The following HS3ST5 variants were observed in gnomAD, a reference collection of about 807,000 sequenced individuals.
HS3ST5 encodes the protein heparan sulfate glucosamine 3-O-sulfotransferase 5.
In HS3ST5, 10 loss-of-function variants were observed where a neutral mutation model predicts 25.4. The ratio of observed to expected loss-of-function variants is 0.39; its 90% CI spans 0.24 to 0.67. The LOEUF (loss-of-function observed/expected upper bound fraction) is 0.67, where lower values mean the gene tolerates loss of function less well. Among genes scored for constraint, HS3ST5 ranks in the 30% least tolerant of loss-of-function variants. The pLI is 0.44. For missense variants in HS3ST5, 324 were observed against 420.7 expected (o/e 0.77, Z 2.01); for synonymous variants, 170 against 162.4 (o/e 1.05, Z -0.36).
rs139352244 is a variant in HS3ST5 at position 114,062,759 on chromosome 6, G to A, written c.87C>T (p.Ala29=). Residue 29 remains alanine, a synonymous_variant, in exon 4 of 5, where the codon GCC becomes GCT. Transcript: ENST00000312719. ...LAVGSLLYLV[A]RVGSLDRLQP... is the part of the protein sequence containing the mutation. ...CCCACCTATCCAAGCTCCCAACTCT[G>A]GCGACTAGATACAGGAGACTCCCAA... The A allele has an allele frequency of 1.5e-5, 25 of 1,613,582 alleles. No homozygotes were observed. Among genetic ancestry groups the A allele is most frequent in the Non-Finnish European group, 2.1e-5 (25 of 1,179,634 alleles).
chr6:114,317,748 A>G (rs998514896), intron 1 of HS3ST5, among the ~76,000 whole-genome samples: 6 of 127,534 alleles, frequency 4.7e-5, no homozygotes, highest in Non-Finnish European at 9.5e-5. Context: ...TTATTCCACA[A>G]ATGGTCCTAA....
chr6:114,165,441 C>T (rs62415774), intron 3 of HS3ST5, among the ~76,000 whole-genome samples: 9,488 of 152,198 alleles, frequency 0.062, 334 homozygotes, highest in Non-Finnish European at 0.075. Flanking sequence ...TTCCCCATCG[C>T]CTGCCAGGGT....
intron 2 of HS3ST5, among the ~76,000 whole-genome samples, chr6:114,185,573 ATTGAAGGTTC>A (rs1780180674): frequency 6.6e-6 from 1 of 152,078 alleles, no homozygotes; most frequent in Non-Finnish European, 1.5e-5. Context: ...TTTTTTACAA[ATTGAAGGTTC>A]ATGGCAACCC....
intron 2 of HS3ST5, among the ~76,000 whole-genome samples, chr6:114,226,552 AACTTTTATATGAAGAG>A (rs908252780): frequency 3.6e-4 from 55 of 152,076 alleles, no homozygotes; most frequent in African/African-American, 1.2e-3. Flanking sequence ...TTATATGAGA[AACTTTTATATGAAGAG>A]ACTTTTATAT....
At chr6:114,192,571 C>T (rs1780554255) in intron 2 of HS3ST5, among the ~76,000 whole-genome samples, 1 of 152,108 alleles carries the variant, frequency 6.6e-6, no homozygotes, top group Admixed American at 6.6e-5. Flanking sequence ...CAAAACAAGG[C>T]TTTGTCTTGT....
At chr6:114,126,080 G>A (rs915134169) in intron 3 of HS3ST5, among the ~76,000 whole-genome samples, 3 of 152,066 alleles carry the variant, frequency 2.0e-5, no homozygotes, top group African/African-American at 4.8e-5. Flanking sequence ...TCTTCACCAC[G>A]ATTAATATCA....
intron 1 of HS3ST5, among the ~76,000 whole-genome samples, chr6:114,278,532 T>TA (rs1345589746): frequency 7.9e-5 from 12 of 151,380 alleles, no homozygotes; most frequent in Non-Finnish European, 1.8e-4. Flanking sequence ...AAAATACTGA[T>TA]ACTTCAGTAT....
chr6:114,250,111 C>T lies in HS3ST5; in HGVS notation c.-338-21333G>A, dbSNP rs886636129. 1.3e-4 allele frequency among the ~76,000 whole-genome samples: 20 copies of T among 152,182 alleles called. No homozygotes were observed. The East Asian group carries it at 2.3e-3, about 18-fold the overall frequency. ...CAGTCTGAATTCTCTAAGTACTTCT[C>T]TGAAAGTACTTAGAGGGATTAAAAA... On this transcript the variant is annotated intron_variant, in intron 1 of 4. Transcript: ENST00000312719.
At chr6:114,302,567 A>G (rs1257326706) in intron 1 of HS3ST5, among the ~76,000 whole-genome samples, 1 of 152,212 alleles carries the variant, frequency 6.6e-6, no homozygotes, top group Non-Finnish European at 1.5e-5. Flanking sequence ...ATTCTTCACA[A>G]ACATTTTAGG....
intron 1 of HS3ST5, chr6:114,239,191 C>T (rs1429909779): frequency 1.3e-5 from 2 of 152,182 alleles, no homozygotes; most frequent in Non-Finnish European, 2.9e-5. Flanking sequence ...TCTCATTATA[C>T]ACATAAAAAT....
chr6:114,233,318 T>A (rs1771696733), intron 1 of HS3ST5, among the ~76,000 whole-genome samples: 1 of 152,210 alleles, frequency 6.6e-6, no homozygotes, highest in East Asian at 1.9e-4. Context: ...GTTCAGAAGG[T>A]ATTTGATTTT....
intron 1 of HS3ST5, among the ~76,000 whole-genome samples, chr6:114,270,110 C>T (rs111405793): frequency 1.6e-4 from 24 of 152,006 alleles, no homozygotes; most frequent in African/African-American, 5.6e-4. Context: ...GGTCTGTGGA[C>T]GATGTCAGGA....
intron 1 of HS3ST5, among the ~76,000 whole-genome samples, chr6:114,285,007 A>AT: frequency 6.6e-6 from 1 of 152,158 alleles, no homozygotes; most frequent in East Asian, 1.9e-4. Flanking sequence ...AGCAAATGCC[A>AT]TTTTTACAAA....
intron 3 of HS3ST5, among the ~76,000 whole-genome samples, chr6:114,074,505 C>A (rs1164126920): frequency 2.0e-5 from 3 of 152,116 alleles, no homozygotes; most frequent in African/African-American, 7.2e-5. Context: ...GCCAATAACT[C>A]TTCTAAAAAA....
intron 1 of HS3ST5, among the ~76,000 whole-genome samples, chr6:114,321,854 A>C (rs1020808902): frequency 6.6e-6 from 1 of 152,116 alleles, no homozygotes; most frequent in Non-Finnish European, 1.5e-5. Flanking sequence ...TAAAGAAAAA[A>C]CAGGCTAGTC....
intron 1 of HS3ST5, among the ~76,000 whole-genome samples, chr6:114,328,941 G>A (rs1034215841): frequency 6.6e-6 from 1 of 152,130 alleles, no homozygotes; most frequent in African/African-American, 2.4e-5. Flanking sequence ...TTTAGTGCAT[G>A]AGTCATAAAG....
At chr6:114,304,091 T>TAC in intron 1 of HS3ST5, among the ~76,000 whole-genome samples, 1 of 151,970 alleles carries the variant, frequency 6.6e-6, no homozygotes, top group African/African-American at 2.4e-5. Flanking sequence ...AAATACAAGA[T>TAC]GTCAGAAGTA....
intron 3 of HS3ST5, among the ~76,000 whole-genome samples, chr6:114,149,664 G>T (rs1562216412): frequency 6.6e-6 from 1 of 151,992 alleles, no homozygotes; most frequent in Non-Finnish European, 1.5e-5. Context: ...GGGTTGATAG[G>T]TGCAGCAAAC....
chr6:114,281,071 A>C (rs1285265734), intron 1 of HS3ST5, among the ~76,000 whole-genome samples: 1 of 151,996 alleles, frequency 6.6e-6, no homozygotes, highest in Middle Eastern at 3.2e-3. Context: ...TTTCGATACC[A>C]TTTAATTTTG....
Sources: allele counts gnomAD v4.1 joint callset (sites outside exome capture counted in the v4.1 genomes callset), GRCh38; gene constraint gnomAD v4.1.1; transcripts MANE v1.5; gene names NCBI Gene and HGNC (gene_info 2026-07-23, HGNC 2026-07-21).